FILIP1L: variants seen among roughly 807,000 people sequenced by gnomAD.
FILIP1L encodes the protein filamin A interacting protein 1 like, also known as filamin A-interacting protein 1-like.
A neutral mutation model predicts 96.6 loss-of-function variants in FILIP1L; 55 were observed. That is an observed-to-expected ratio of 0.57 (90% CI 0.46 to 0.71). The LOEUF (loss-of-function observed/expected upper bound fraction) is 0.71, where lower values mean the gene tolerates loss of function less well. FILIP1L is among the 30% of genes least tolerant of loss of function. FILIP1L has a pLI of 0.00. For synonymous variants in FILIP1L, 467 were observed against 473.9 expected (o/e 0.99, Z 0.19); for missense variants, 1,304 against 1,321.2 (o/e 0.99, Z 0.20).
At position 99,849,747 on chromosome 3, in the gene FILIP1L, T is replaced by A. The variant is rs1416189613; in HGVS notation, c.1929A>T (p.Lys643Asn). 2 of 1,613,838 alleles carry A rather than the reference T, an allele frequency of 1.2e-6. No homozygotes were observed. The highest frequency in any genetic ancestry group is 1.7e-6 in the Non-Finnish European group (2 of 1,180,016). The change falls in exon 5 of 6, where the codon AAA (lysine) becomes AAT (asparagine). Residue 643 changes from lysine (K) to asparagine (N), a missense_variant. Transcript: ENST00000477258. Reference protein sequence around the residue: ...ERLKLKLKDMKAIEDDLMKTE... With the variant: ...ERLKLKLKDMNAIEDDLMKTE... ...TTTTCATGAGGTCATCCTCAATGGC[T>A]TTCATGTCCTTTAGCTTCAGTTTCA...
At chr3:100,095,656 A>G (rs1443909907) in intron 1 of FILIP1L, among the ~76,000 whole-genome samples, 1 of 152,186 alleles carries the variant, frequency 6.6e-6, no homozygotes, top group Non-Finnish European at 1.5e-5. Flanking sequence ...AAGACTTCAG[A>G]CTTTGAAACT....
At chr3:99,991,072 T>G (rs535471564) in intron 1 of FILIP1L, among the ~76,000 whole-genome samples, 2 of 152,280 alleles carry the variant, frequency 1.3e-5, no homozygotes, top group South Asian at 2.1e-4. Context: ...CAAATGTCAC[T>G]GGGGGTCAGT....
At chr3:100,018,556 G>C (rs1042483480) in intron 1 of FILIP1L, among the ~76,000 whole-genome samples, 1 of 151,846 alleles carries the variant, frequency 6.6e-6, no homozygotes, top group African/African-American at 2.4e-5. Context: ...AAATCAACTC[G>C]AAATGAATTA....
Position 100,074,675 on chromosome 3 carries a change from A to ATTTTTTTTTTTTTTTTTTTTTTTTT in FILIP1L, c.-11+39353_-11+39377dup, listed in dbSNP as rs555819875. On this transcript the variant is annotated intron_variant, in intron 1 of 5. Transcript: ENST00000477258. Reference sequence around the variant, plus strand: ...ATTTTCTATGCATGTGCAACATTTGATTTTTTTTTTTTTTTTTTTTTTTTT... The same window carrying ATTTTTTTTTTTTTTTTTTTTTTTTT: ...ATTTTCTATGCATGTGCAACATTTGATTTTTTTTTTTTTTTTTTTTTTTTTTTTTTTTTTTTTTTTTTTTTTTTTT... Among the ~76,000 whole-genome samples, 21 of 34,806 alleles carry ATTTTTTTTTTTTTTTTTTTTTTTTT rather than the reference A, an allele frequency of 6.0e-4. 8 individuals are homozygous for ATTTTTTTTTTTTTTTTTTTTTTTTT. The highest frequency in any genetic ancestry group is 2.1e-3 in the East Asian group (2 of 942). The allele number at this position is 34,806 out of a possible 152,430, so 22.8% of individuals were successfully genotyped here.
intron 1 of FILIP1L, among the ~76,000 whole-genome samples, chr3:99,943,537 C>A (rs1707913116): frequency 6.6e-6 from 1 of 152,116 alleles, no homozygotes; most frequent in South Asian, 2.1e-4. Context: ...AACCCCATCT[C>A]TACTAAAATT....
chr3:99,932,594 A>G (rs1707518362), intron 1 of FILIP1L, among the ~76,000 whole-genome samples: 1 of 152,210 alleles, frequency 6.6e-6, no homozygotes, highest in South Asian at 2.1e-4. Flanking sequence ...AACTTGATTA[A>G]GACATTGACC....
chr3:99,924,398 A>G lies in FILIP1L; in HGVS notation c.437T>C (p.Val146Ala). The G allele has an allele frequency of 6.2e-7, 1 of 1,613,866 alleles. No individual in the cohort carries two copies. The highest frequency in any genetic ancestry group is 2.2e-5 in the East Asian group (1 of 44,872). The change falls in exon 4 of 6, where the codon GTT becomes GCT. Residue 146 changes from valine (V) to alanine (A), a missense_variant. By Grantham distance (64) the Val-to-Ala change is moderately conservative. Transcript: ENST00000477258. ...YEKPMNELDK[V>A]VEKHKESYRR... Reference sequence around the variant, plus strand: ...GTAAGATTCTTTATGTTTTTCCACAACTTTGTCCAACTACGAAAGAAAACA... The same window carrying G: ...GTAAGATTCTTTATGTTTTTCCACAGCTTTGTCCAACTACGAAAGAAAACA...
At chr3:99,892,880 C>G (rs1200997423) in intron 4 of FILIP1L, among the ~76,000 whole-genome samples, 2 of 152,150 alleles carry the variant, frequency 1.3e-5, no homozygotes, top group Admixed American at 6.5e-5. Context: ...ATGGATTATT[C>G]TAAGTTATCT....
chr3:99,919,705 T>G (rs1707063896), intron 4 of FILIP1L, among the ~76,000 whole-genome samples: 1 of 152,114 alleles, frequency 6.6e-6, no homozygotes, highest in Non-Finnish European at 1.5e-5. Context: ...CCTTGTCTGA[T>G]GCAGTCTGGA....
At chr3:99,965,841 C>T (rs1559706467) in intron 1 of FILIP1L, among the ~76,000 whole-genome samples, 2 of 152,138 alleles carry the variant, frequency 1.3e-5, no homozygotes, top group African/African-American at 4.8e-5. Flanking sequence ...TGCAGTTTTC[C>T]TGCCCAGCCC....
chr3:99,946,304 A>T (rs993999050), intron 1 of FILIP1L, among the ~76,000 whole-genome samples: 3 of 152,224 alleles, frequency 2.0e-5, no homozygotes, highest in African/African-American at 7.2e-5. Flanking sequence ...CTATGTCTTC[A>T]CTCAGTCAAT....
At chr3:99,950,314 T>G (rs768061918) in intron 1 of FILIP1L, among the ~76,000 whole-genome samples, 1 of 152,176 alleles carries the variant, frequency 6.6e-6, no homozygotes, top group Non-Finnish European at 1.5e-5. Flanking sequence ...TGTTAGAAAT[T>G]TTTACAGCAT....
intron 1 of FILIP1L, among the ~76,000 whole-genome samples, chr3:100,001,760 A>T (rs1253085564): frequency 6.6e-6 from 1 of 152,188 alleles, no homozygotes; most frequent in Non-Finnish European, 1.5e-5. Context: ...TTTGAATTTA[A>T]ACCAGTCTGC....
At chr3:100,067,392 G>A (rs140368911) in intron 1 of FILIP1L, among the ~76,000 whole-genome samples, 139 of 152,306 alleles carry the variant, frequency 9.1e-4, no homozygotes, top group African/African-American at 3.1e-3. Context: ...GGTGAAGGTT[G>A]TATATATAAG....
At chr3:100,064,903 G>A (rs2065637368) in intron 1 of FILIP1L, among the ~76,000 whole-genome samples, 1 of 152,108 alleles carries the variant, frequency 6.6e-6, no homozygotes, top group African/African-American at 2.4e-5. Context: ...GTGGGGCAGG[G>A]GGACTAACAA....
intron 1 of FILIP1L, among the ~76,000 whole-genome samples, chr3:99,977,678 T>C (rs1709011148): frequency 6.6e-6 from 1 of 152,180 alleles, no homozygotes; most frequent in Non-Finnish European, 1.5e-5. Context: ...TTAACCAAGA[T>C]TATTTAAATT....
intron 1 of FILIP1L, among the ~76,000 whole-genome samples, chr3:100,088,197 G>A (rs1031387256): frequency 1.3e-5 from 2 of 152,108 alleles, no homozygotes; most frequent in Non-Finnish European, 2.9e-5. Flanking sequence ...TTGCTGGGAT[G>A]GAAAAGGCAG....
chr3:100,019,185 C>T (rs1391751746), intron 1 of FILIP1L, among the ~76,000 whole-genome samples: 1 of 151,982 alleles, frequency 6.6e-6, no homozygotes, highest in African/African-American at 2.4e-5. Flanking sequence ...GGCATATATC[C>T]AAAAGAAAAT....
At chr3:99,830,983 C>T (rs1674785084) in intron 5 of FILIP1L, among the ~76,000 whole-genome samples, 1 of 152,184 alleles carries the variant, frequency 6.6e-6, no homozygotes. Flanking sequence ...AAGAATATGG[C>T]ATTTGACTTG....
Sources: gnomAD v4.1 joint callset for allele counts (sites outside exome capture counted in the v4.1 genomes callset) on GRCh38, gnomAD v4.1.1 for gene constraint, MANE v1.5 for transcripts, NCBI Gene and HGNC (gene_info 2026-07-23, HGNC 2026-07-21) for gene names.